KIAA0232: variants seen among roughly 807,000 people sequenced by gnomAD.
The protein encoded by KIAA0232 is KIAA0232.
KIAA0232 carries 27 observed loss-of-function variants against 122.0 expected under a neutral mutation model. The ratio of observed to expected loss-of-function variants is 0.22; its 90% CI spans 0.16 to 0.31. The LOEUF (loss-of-function observed/expected upper bound fraction) is 0.31. KIAA0232 is among the 10% of genes least tolerant of loss of function. KIAA0232 has a pLI of 1.00. For synonymous variants in KIAA0232, 613 were observed against 587.6 expected, an observed-to-expected ratio of 1.04 and a Z score of -0.63; for missense variants, 1,551 against 1,634.2, an observed-to-expected ratio of 0.95 and a Z score of 0.88.
chr4:6,822,068 G>T (rs750176496), intron 2 of KIAA0232, among the ~76,000 whole-genome samples: 1 of 151,914 alleles, frequency 6.6e-6, no homozygotes, highest in Non-Finnish European at 1.5e-5. Flanking sequence ...TGTTCTAGGG[G>T]TCGTTTTCTT....
intron 2 of KIAA0232, among the ~76,000 whole-genome samples, chr4:6,814,330 T>C (rs781527512): frequency 6.6e-6 from 1 of 151,982 alleles, no homozygotes; most frequent in Non-Finnish European, 1.5e-5. Context: ...AAGGCCCTGA[T>C]AGGACTAGAA....
intron 4 of KIAA0232, among the ~76,000 whole-genome samples, chr4:6,846,634 C>T (rs1719981299): frequency 6.6e-6 from 1 of 151,924 alleles, no homozygotes; most frequent in Non-Finnish European, 1.5e-5. Context: ...CTTAAACCAG[C>T]TCACTGGCCT....
chr4:6,858,708 A>G (rs1370187503), intron 6 of KIAA0232, among the ~76,000 whole-genome samples: 1 of 152,234 alleles, frequency 6.6e-6, no homozygotes, highest in Non-Finnish European at 1.5e-5. Flanking sequence ...TTCATATTCA[A>G]TATTTGTGGA....
intron 7 of KIAA0232, among the ~76,000 whole-genome samples, chr4:6,865,788 C>T (rs138051362): frequency 2.0e-4 from 30 of 152,328 alleles, no homozygotes; most frequent in Non-Finnish European, 2.9e-4. Context: ...CCCTAATTCC[C>T]TCTCTCCCCT....
Position 6,809,776 on chromosome 4 carries a change from A to C in KIAA0232, c.-270+5170A>C, listed in dbSNP as rs189717391. Among the ~76,000 whole-genome samples the C allele has an allele frequency of 2.6e-3, 397 of 152,296 alleles. 1 individual carries two copies. The highest frequency in any genetic ancestry group is 9.3e-3 in the African/African-American group (386 of 41,554). On this transcript the variant is annotated intron_variant, in intron 2 of 9. Transcript: ENST00000307659. Reference sequence around the variant, plus strand: ...GCATACAAAAATCAGTAATATTTATATATTACCAATAACGATCTAGCTGAG... The same window carrying C: ...GCATACAAAAATCAGTAATATTTATCTATTACCAATAACGATCTAGCTGAG...
At chr4:6,785,520 A>G (rs968468138) in intron 1 of KIAA0232, among the ~76,000 whole-genome samples, 2 of 152,212 alleles carry the variant, frequency 1.3e-5, no homozygotes, top group African/African-American at 4.8e-5. Flanking sequence ...GAAGACGTGA[A>G]ATGTCGTCAA....
At chr4:6,789,456 T>C (rs1716787496) in intron 1 of KIAA0232, among the ~76,000 whole-genome samples, 1 of 151,864 alleles carries the variant, frequency 6.6e-6, no homozygotes, top group South Asian at 2.1e-4. Context: ...TATTTTTTAA[T>C]AGAGACGGGG....
chr4:6,854,691 G>A (rs1246937830), intron 4 of KIAA0232, among the ~76,000 whole-genome samples: 1 of 152,094 alleles, frequency 6.6e-6, no homozygotes, highest in Non-Finnish European at 1.5e-5. Flanking sequence ...GAAGATGGGT[G>A]GATATTATCC....
Position 6,883,180 on chromosome 4 carries a change from C to CA in KIAA0232, c.*2217dup, listed in dbSNP as rs1400584676. 2 of 152,640 alleles carry CA rather than the reference C, an allele frequency of 1.3e-5. No homozygotes were observed. The highest frequency in any genetic ancestry group is 2.9e-5 in the Non-Finnish European group (2 of 68,044). The allele number at this position is 152,640 out of a possible 1,614,324, so 9.5% of individuals were successfully genotyped here. A position where few individuals can be genotyped will look rare whatever the true frequency, so the allele number is the denominator to read the frequency against. Reference sequence around the variant, plus strand: ...AGAAAAAGCATTTTTAAAAAGTTGGCAAACGCTGAAACGCACTGTGGTATG... The same window carrying CA: ...AGAAAAAGCATTTTTAAAAAGTTGGCAAAACGCTGAAACGCACTGTGGTATG... On this transcript the variant is annotated 3_prime_UTR_variant, in exon 10 of 10. Coordinates refer to ENST00000307659, the MANE Select transcript of KIAA0232 (RefSeq NM_014743.3).
At chr4:6,840,586 A>AT (rs1226417635) in intron 3 of KIAA0232, among the ~76,000 whole-genome samples, 1 of 152,176 alleles carries the variant, frequency 6.6e-6, no homozygotes, top group Non-Finnish European at 1.5e-5. Flanking sequence ...AAAGTACCTG[A>AT]TAATAGACTC....
chr4:6,872,414 A>G (rs1721541236), intron 8 of KIAA0232, among the ~76,000 whole-genome samples: 1 of 152,204 alleles, frequency 6.6e-6, no homozygotes. Flanking sequence ...GAGTCTAGGT[A>G]GAGAGGGAGA....
At chr4:6,824,094 G>A (rs1359744495) in intron 2 of KIAA0232, 91 bp from the exon 3 acceptor site, 1 of 412,494 alleles carries the variant, frequency 2.4e-6, no homozygotes, top group Non-Finnish European at 4.3e-6. Context: ...TTAATAAAGA[G>A]GGACAGTTTA....
intron 9 of KIAA0232, among the ~76,000 whole-genome samples, chr4:6,877,338 C>A (rs1009919686): frequency 6.6e-6 from 1 of 152,248 alleles, no homozygotes; most frequent in Admixed American, 6.5e-5. Context: ...GGGAGCGGGG[C>A]CTCCGCCTGG....
intron 4 of KIAA0232, among the ~76,000 whole-genome samples, chr4:6,856,667 C>A (rs1314879168): frequency 1.5e-5 from 2 of 135,878 alleles, no homozygotes; most frequent in African/African-American, 2.7e-5. Flanking sequence ...CATGAGTGTT[C>A]ATGTTTCTTT....
chr4:6,876,552 G>A (rs1488463462), intron 8 of KIAA0232, 108 bp from the exon 9 acceptor site: 2 of 777,958 alleles, frequency 2.6e-6, no homozygotes, highest in African/African-American at 3.4e-5. Flanking sequence ...AGACCTAACT[G>A]ATGTAGCTTT....
At chr4:6,854,411 C>G (rs1720465049) in intron 4 of KIAA0232, among the ~76,000 whole-genome samples, 1 of 152,178 alleles carries the variant, frequency 6.6e-6, no homozygotes, top group South Asian at 2.1e-4. Context: ...CCACTGAGTC[C>G]TCTTCTCAGA....
intron 1 of KIAA0232, among the ~76,000 whole-genome samples, chr4:6,790,032 A>C (rs79141783): frequency 2.7e-5 from 4 of 149,442 alleles, no homozygotes; most frequent in Non-Finnish European, 6.0e-5. Context: ...CTGTCTCAAG[A>C]AAAAAAAAAG....
At chr4:6,826,718 A>G (rs1032984844) in intron 3 of KIAA0232, among the ~76,000 whole-genome samples, 7 of 152,180 alleles carry the variant, frequency 4.6e-5, no homozygotes, top group Admixed American at 4.6e-4. Context: ...TGGAAAGAAT[A>G]GTTTTTTAGT....
At chr4:6,856,162 TG>T (rs954215387) in intron 4 of KIAA0232, among the ~76,000 whole-genome samples, 1 of 152,214 alleles carries the variant, frequency 6.6e-6, no homozygotes, top group Non-Finnish European at 1.5e-5. Context: ...ATAATATTTG[TG>T]CTGAGTCATT....
Sources: gnomAD v4.1 joint callset for allele counts (sites outside exome capture counted in the v4.1 genomes callset) on GRCh38, gnomAD v4.1.1 for gene constraint, MANE v1.5 for transcripts, NCBI Gene and HGNC (gene_info 2026-07-23, HGNC 2026-07-21) for gene names.